Variants in MYBL2 observed in about 807,000 individuals in gnomAD.
MYBL2 encodes the protein myb-related protein B.
MYBL2 carries 28 observed loss-of-function variants against 79.9 expected under a neutral mutation model. The ratio of observed to expected loss-of-function variants is 0.35; its 90% CI spans 0.26 to 0.48. The LOEUF (loss-of-function observed/expected upper bound fraction) is 0.48. Among genes scored for constraint, MYBL2 ranks in the 20% least tolerant of loss-of-function variants. MYBL2 has a pLI of 0.99. For synonymous variants in MYBL2, 378 were observed against 361.2 expected (o/e 1.05, Z -0.53); for missense variants, 735 against 893.9 (o/e 0.82, Z 2.27).
intron 6 of MYBL2, among the ~76,000 whole-genome samples, chr20:43,695,037 A>ATT (rs3092677): frequency 2.7e-3 from 387 of 143,934 alleles, no homozygotes; most frequent in Middle Eastern, 7.4e-3. Flanking sequence ...CAGGAGGTCA[A>ATT]TTTTTTTTTT....
intron 2 of MYBL2, among the ~76,000 whole-genome samples, chr20:43,681,249 T>C (rs1987135379): frequency 6.6e-6 from 1 of 152,140 alleles, no homozygotes; most frequent in African/African-American, 2.4e-5. Context: ...CCTCCTTATG[T>C]CCGCTCGGCT....
chr20:43,675,293 T>C (rs530717456), intron 2 of MYBL2, among the ~76,000 whole-genome samples: 13 of 152,170 alleles, frequency 8.5e-5, no homozygotes, highest in South Asian at 6.2e-4. Flanking sequence ...TGCCCCTTTT[T>C]ATGGTGAACA....
intron 9 of MYBL2, among the ~76,000 whole-genome samples, chr20:43,708,451 C>A (rs750878109): frequency 6.6e-6 from 1 of 151,576 alleles, no homozygotes; most frequent in Non-Finnish European, 1.5e-5. Flanking sequence ...TTCTTTTTTC[C>A]GAGACAAGGT....
At chr20:43,709,675 G>A (rs568678693) in intron 9 of MYBL2, among the ~76,000 whole-genome samples, 1 of 152,310 alleles carries the variant, frequency 6.6e-6, no homozygotes, top group East Asian at 1.9e-4. Flanking sequence ...TTCCTGAAGT[G>A]TGGCCACGGA....
At position 43,674,467 on chromosome 20, in the gene MYBL2, A is replaced by G. The variant is rs189130883; in HGVS notation, c.114+568A>G. ...AGTGGCATGATCTTGGCTCACTGCA[A>G]CCTCTGCCTCCCAGGTTCCAAGCAA... On this transcript the variant is annotated intron_variant, in intron 2 of 13. Coordinates refer to ENST00000217026, the MANE Select transcript of MYBL2 (RefSeq NM_002466.4). 2.8e-3 allele frequency among the ~76,000 whole-genome samples: 426 copies of G among 150,666 alleles called. 4 individuals are homozygous for G. Among genetic ancestry groups the G allele is most frequent in the African/African-American group, 0.01 (413 of 40,970 alleles).
At chr20:43,715,007 A>G (rs533657572) in intron 12 of MYBL2, 127 bp from the exon 13 acceptor site, 2 of 1,114,274 alleles carry the variant, frequency 1.8e-6, no homozygotes, top group Non-Finnish European at 2.6e-6. Context: ...TGAGGCTTGG[A>G]AAAGTGTGTA....
In MYBL2 at chr20:43,697,021, G is replaced by A. The variant is rs116610356; in HGVS notation, c.664-2736G>A. Among the ~76,000 whole-genome samples the A allele has an allele frequency of 8.9e-3, 1,351 of 152,368 alleles. 12 individuals are homozygous for A. Among genetic ancestry groups the A allele is most frequent in the African/African-American group, 0.022 (915 of 41,592 alleles). On this transcript the variant is annotated intron_variant, in intron 6 of 13. Transcript: ENST00000217026. ...ATTACAGGCGTGAGCCACTGCGCCC[G>A]GCCGGTTGATTTTATAGATGTGGAA...
intron 2 of MYBL2, among the ~76,000 whole-genome samples, chr20:43,680,153 C>T (rs1987110534): frequency 6.6e-6 from 1 of 152,138 alleles, no homozygotes; most frequent in South Asian, 2.1e-4. Context: ...GCTGCAGCCT[C>T]CCGAGTAGCT....
chr20:43,693,247 G>A (rs1987455277), intron 6 of MYBL2, among the ~76,000 whole-genome samples: 1 of 152,124 alleles, frequency 6.6e-6, no homozygotes, highest in Non-Finnish European at 1.5e-5. Context: ...GGCCAGGCTG[G>A]GTTTGAATTC....
In MYBL2 at chr20:43,716,199, A is replaced by G. The variant is rs2145739147; in HGVS notation, c.*112A>G. On this transcript the variant is annotated 3_prime_UTR_variant, in exon 14 of 14. Transcript: ENST00000217026. Reference sequence around the variant, plus strand: ...GACCTCCTGCAGGGAGCCTTCTGCCACCAGCCCCTCCCCAGACTCTCAGGT... The same window carrying G: ...GACCTCCTGCAGGGAGCCTTCTGCCGCCAGCCCCTCCCCAGACTCTCAGGT... 6.6e-7 allele frequency: 1 copy of G among 1,519,580 alleles called. No homozygotes were observed. The highest frequency in any genetic ancestry group is 8.9e-7 in the Non-Finnish European group (1 of 1,128,048). 94.1% of individuals were successfully genotyped at this position (1,519,580 alleles called of 1,614,324 possible).
intron 12 of MYBL2, 106 bp from the exon 13 acceptor site, chr20:43,715,028 G>T: frequency 7.5e-7 from 1 of 1,336,044 alleles, no homozygotes; most frequent in Non-Finnish European, 1.1e-6. Flanking sequence ...TCCTCTTTCA[G>T]GTCTCAGCAG....
At chr20:43,700,731 G>A (rs1050914012) in intron 7 of MYBL2, among the ~76,000 whole-genome samples, 6 of 152,116 alleles carry the variant, frequency 3.9e-5, no homozygotes, top group African/African-American at 1.4e-4. Context: ...CAGGGTCTGA[G>A]CTTAACATAC....
intron 4 of MYBL2, among the ~76,000 whole-genome samples, chr20:43,686,487 TC>T (rs1987276388): frequency 6.6e-6 from 1 of 152,194 alleles, no homozygotes; most frequent in South Asian, 2.1e-4. Flanking sequence ...TGTGTGTTGT[TC>T]CTCCTCATCC....
intron 1 of MYBL2, among the ~76,000 whole-genome samples, chr20:43,673,190 C>G (rs1340296891): frequency 6.6e-6 from 1 of 150,812 alleles, no homozygotes; most frequent in African/African-American, 2.4e-5. Context: ...AGCAATCCAC[C>G]CACCTCGGCC....
At chr20:43,707,767 T>C (rs556915261) in intron 9 of MYBL2, among the ~76,000 whole-genome samples, 52 of 152,144 alleles carry the variant, frequency 3.4e-4, no homozygotes, top group African/African-American at 1.1e-3. Context: ...CTCTATTTTT[T>C]TCCCCCCCGG....
intron 10 of MYBL2, among the ~76,000 whole-genome samples, chr20:43,710,472 T>G (rs1431454774): frequency 6.6e-6 from 1 of 152,222 alleles, no homozygotes; most frequent in Non-Finnish European, 1.5e-5. Flanking sequence ...GGAAAGCCCC[T>G]CGGGGACGTC....
chr20:43,675,976 C>T (rs543479882), intron 2 of MYBL2, among the ~76,000 whole-genome samples: 4 of 151,234 alleles, frequency 2.6e-5, no homozygotes, highest in African/African-American at 9.7e-5. Context: ...GTGATCTCAG[C>T]TCACTGCAAC....
At chr20:43,673,689 A>G in intron 1 of MYBL2, 117 bp from the exon 2 acceptor site, 1 of 918,666 alleles carries the variant, frequency 1.1e-6, no homozygotes, top group Non-Finnish European at 1.8e-6. Context: ...AAGAAAAAGT[A>G]AGAGCCTCTC....
intron 1 of MYBL2, among the ~76,000 whole-genome samples, chr20:43,669,765 C>T (rs1236724130): frequency 6.6e-6 from 1 of 152,126 alleles, no homozygotes; most frequent in Non-Finnish European, 1.5e-5. Context: ...AGTTGATGGC[C>T]AGCACATATG....
Sources: allele counts gnomAD v4.1 joint callset (sites outside exome capture counted in the v4.1 genomes callset), GRCh38; gene constraint gnomAD v4.1.1; transcripts MANE v1.5; gene names NCBI Gene and HGNC (gene_info 2026-07-23, HGNC 2026-07-21).